The following CAB39L variants were observed in gnomAD, a reference collection of about 807,000 sequenced individuals.
CAB39L encodes calcium binding protein 39 like, also known as calcium-binding protein 39-like.
A neutral mutation model predicts 39.1 loss-of-function variants in CAB39L; 23 were observed. The ratio of observed to expected loss-of-function variants is 0.59; its 90% CI spans 0.42 to 0.83. The LOEUF (loss-of-function observed/expected upper bound fraction) is 0.83. CAB39L is among the 40% of genes least tolerant of loss of function. The pLI is 0.00. For synonymous variants in CAB39L, 126 were observed against 137.2 expected (o/e 0.92, Z 0.57); for missense variants, 366 against 391.9 (o/e 0.93, Z 0.56).
rs1411525210 is a variant in CAB39L, at chr13:49,378,422, C to T, written c.112-1291G>A. 1.5e-4 allele frequency among the ~76,000 whole-genome samples: 10 copies of T among 67,834 alleles called. 3 individuals carry two copies. Among genetic ancestry groups the T allele is most frequent in the Non-Finnish European group, 2.7e-4 (9 of 33,894 alleles). The allele number at this position is 67,834 out of a possible 152,430, so 44.5% of individuals were successfully genotyped here. ...TCCGGGAGGGAGGTGGGGGGGTCAG[C>T]CCCCCGCCCGGCCAGCCGCCCCGTC... On this transcript the variant is annotated intron_variant, in intron 4 of 10. Coordinates refer to ENST00000409308, the MANE Select transcript of CAB39L (RefSeq NM_001079670.3).
chr13:49,374,868 A>C (rs758810512), intron 5 of CAB39L, among the ~76,000 whole-genome samples: 4 of 152,182 alleles, frequency 2.6e-5, no homozygotes, highest in Non-Finnish European at 5.9e-5. Context: ...TCATAAACTA[A>C]CTCAAGCGTA....
At chr13:49,363,373 T>C (rs1321403278) in intron 5 of CAB39L, among the ~76,000 whole-genome samples, 1 of 152,182 alleles carries the variant, frequency 6.6e-6, no homozygotes, top group Non-Finnish European at 1.5e-5. Flanking sequence ...TGTAGAGTTC[T>C]TATTAGTTTT....
intron 9 of CAB39L, among the ~76,000 whole-genome samples, chr13:49,333,666 G>A (rs1954773081): frequency 1.3e-5 from 2 of 148,494 alleles, no homozygotes; most frequent in Admixed American, 1.4e-4. Flanking sequence ...CCACCTCCCA[G>A]GTTCATGCCA....
intron 6 of CAB39L, among the ~76,000 whole-genome samples, chr13:49,359,267 T>C (rs1328669470): frequency 2.0e-5 from 3 of 152,188 alleles, no homozygotes; most frequent in Non-Finnish European, 4.4e-5. Flanking sequence ...TAGACCCATA[T>C]ACATTCACCT....
At chr13:49,319,276 G>A (rs1315066025) in intron 10 of CAB39L, among the ~76,000 whole-genome samples, 1 of 151,938 alleles carries the variant, frequency 6.6e-6, no homozygotes, top group Non-Finnish European at 1.5e-5. Flanking sequence ...AAAGAATGAC[G>A]TGCTGATGGA....
At chr13:49,373,445 A>T (rs1402693102) in intron 5 of CAB39L, among the ~76,000 whole-genome samples, 1 of 152,124 alleles carries the variant, frequency 6.6e-6, no homozygotes, top group Non-Finnish European at 1.5e-5. Flanking sequence ...TAAAATAATA[A>T]TTTTTCCTTT....
Position 49,310,790 on chromosome 13 carries a change from CTG to C in CAB39L, c.*22_*23del. 1.2e-6 allele frequency: 2 copies of C among 1,609,430 alleles called. No individual in the cohort carries two copies. Among genetic ancestry groups the C allele is most frequent in the Non-Finnish European group, 1.7e-6 (2 of 1,177,214 alleles). On this transcript the variant is annotated 3_prime_UTR_variant, in exon 11 of 11. Coordinates refer to ENST00000409308, the MANE Select transcript of CAB39L (RefSeq NM_001079670.3). ...CAAACTGGACAAATGAGACGACTGACTGTGACAGGGGCCGGGGAGCTCTTCAA... is the reference window on the plus strand; with the variant it reads ...CAAACTGGACAAATGAGACGACTGACTGACAGGGGCCGGGGAGCTCTTCAA...
intron 1 of CAB39L, among the ~76,000 whole-genome samples, chr13:49,441,759 G>A (rs1957529118): frequency 6.6e-6 from 1 of 151,978 alleles, no homozygotes; most frequent in South Asian, 2.1e-4. Context: ...ATCATCAAAG[G>A]GGAAATTAAA....
At chr13:49,405,698 A>AAAGG (rs1188634914) in intron 3 of CAB39L, among the ~76,000 whole-genome samples, 4 of 96,666 alleles carry the variant, frequency 4.1e-5, no homozygotes, top group Admixed American at 3.0e-4. Context: ...CTGCTGAAAG[A>AAAGG]AAGAAAGAAA....
intron 3 of CAB39L, among the ~76,000 whole-genome samples, chr13:49,416,953 T>C (rs1171518731): frequency 1.3e-5 from 2 of 152,172 alleles, no homozygotes; most frequent in Admixed American, 6.5e-5. Flanking sequence ...ACTGATAATC[T>C]CAAAATCTTC....
chr13:49,359,826 T>C lies in CAB39L; in HGVS notation c.283A>G (p.Lys95Glu). ...DLQLIDFEGK[K>E]DVTQIFNNIL... ...TTGTTAAATATCTGGGTCACATCTT[T>C]TTTTCCCTGTTAAAGAAACAAACAG... is the stretch of plus-strand genomic sequence containing the variant. Residue 95 changes from lysine (K) to glutamate (E), a missense_variant, in exon 6 of 11, where the codon AAA becomes GAA. Transcript: ENST00000409308. 6.3e-7 allele frequency: 1 copy of C among 1,592,052 alleles called. No homozygotes were observed. The highest frequency in any genetic ancestry group is 1.3e-5 in the African/African-American group (1 of 74,574).
chr13:49,312,579 G>A (rs1385204223), intron 10 of CAB39L, among the ~76,000 whole-genome samples: 1 of 152,182 alleles, frequency 6.6e-6, no homozygotes, highest in Non-Finnish European at 1.5e-5. Flanking sequence ...ACCTAGGTCT[G>A]CGTAAATGCA....
intron 10 of CAB39L, among the ~76,000 whole-genome samples, chr13:49,312,800 C>T (rs1954034236): frequency 6.6e-6 from 1 of 152,184 alleles, no homozygotes; most frequent in Admixed American, 6.5e-5. Context: ...ATCTTTCAAA[C>T]AGAAAATAAC....
chr13:49,393,702 A>T (rs1215651753), intron 3 of CAB39L, among the ~76,000 whole-genome samples: 1 of 151,972 alleles, frequency 6.6e-6, no homozygotes, highest in African/African-American at 2.4e-5. Flanking sequence ...AAAACACTCT[A>T]TTTTGTTCTT....
rs755969199 is a variant in CAB39L, at chr13:49,359,702, C to T, written c.395+12G>A. 20 of 1,422,926 alleles carry T rather than the reference C, an allele frequency of 1.4e-5. No individual in the cohort carries two copies. The highest frequency in any genetic ancestry group is 2.3e-5 in the East Asian group (1 of 43,662). The allele number at this position is 1,422,926 out of a possible 1,614,324, so 88.1% of individuals were successfully genotyped here. On this transcript the variant is annotated intron_variant, in intron 6 of 10. Transcript: ENST00000409308. ...AAACTTAGCCCTACTTGAAAGGAAG[C>T]CATGTACCTACCCTTTGAGGAGCAT...
chr13:49,359,786 TG>T lies in CAB39L; in HGVS notation c.322del (p.Gln108ArgfsTer2). 6.2e-7 allele frequency: 1 copy of T among 1,613,202 alleles called. No homozygotes were observed. Among genetic ancestry groups the T allele is most frequent in the Non-Finnish European group, 8.5e-7 (1 of 1,179,226 alleles). The part of the protein sequence containing the change: ...TQIFNNILRR[Q>X]IGTRSPTVEY... ...CACAGTAGGACTCCGAGTGCCTATC[TG>T]TCTTCTCAAGATGTTGTTAAATATC... is the stretch of plus-strand genomic sequence containing the variant. On this transcript the variant is annotated frameshift_variant, in exon 6 of 11. Coordinates refer to ENST00000409308, the MANE Select transcript of CAB39L (RefSeq NM_001079670.3). LOFTEE classifies it high-confidence loss of function.
At chr13:49,433,247 G>T (rs556745658) in intron 3 of CAB39L, 71 bp downstream of exon 3, 11 of 337,676 alleles carry the variant, frequency 3.3e-5, no homozygotes, top group South Asian at 4.7e-5. Flanking sequence ...TTTTATTTTG[G>T]TATGTTGAGC....
intron 3 of CAB39L, among the ~76,000 whole-genome samples, chr13:49,420,983 T>TAGTGAGCAC (rs889322666): frequency 6.6e-6 from 1 of 152,202 alleles, no homozygotes; most frequent in Non-Finnish European, 1.5e-5. Context: ...AGATCTGAAC[T>TAGTGAGCAC]AGTGAGCAAA....
chr13:49,344,867 C>G (rs1466751608), intron 7 of CAB39L, among the ~76,000 whole-genome samples: 1 of 152,152 alleles, frequency 6.6e-6, no homozygotes, highest in Non-Finnish European at 1.5e-5. Context: ...CAGTATTGTT[C>G]CTGCTCTTGG....
Sources: gnomAD v4.1 joint callset for allele counts (sites outside exome capture counted in the v4.1 genomes callset) on GRCh38, gnomAD v4.1.1 for gene constraint, MANE v1.5 for transcripts, NCBI Gene and HGNC (gene_info 2026-07-23, HGNC 2026-07-21) for gene names.